The following SPOCK1 variants were observed in gnomAD, a reference collection of about 807,000 sequenced individuals.
SPOCK1 encodes the protein SPARC (osteonectin), cwcv and kazal like domains proteoglycan 1.
SPOCK1 carries 23 observed loss-of-function variants against 55.3 expected under a neutral mutation model. The ratio of observed to expected loss-of-function variants is 0.42; its 90% CI spans 0.30 to 0.59. The LOEUF (loss-of-function observed/expected upper bound fraction) is 0.59, where lower values mean the gene tolerates loss of function less well. Ranked by LOEUF, SPOCK1 falls within the 20% of genes least tolerant of loss-of-function variation. The pLI, the probability that SPOCK1 is intolerant of heterozygous loss-of-function variation, is 0.22. For missense variants in SPOCK1, 499 were observed against 552.5 expected, an observed-to-expected ratio of 0.90 and a Z score of 0.97; for synonymous variants, 226 against 221.0, an observed-to-expected ratio of 1.02 and a Z score of -0.20.
At chr5:137,174,742 A>G (rs1754822343) in intron 3 of SPOCK1, among the ~76,000 whole-genome samples, 1 of 152,238 alleles carries the variant, frequency 6.6e-6, no homozygotes, top group Admixed American at 6.5e-5. Flanking sequence ...ACAGGTTGGT[A>G]TTGATCAGGG....
At chr5:137,083,800 T>C (rs1345333946) in intron 5 of SPOCK1, among the ~76,000 whole-genome samples, 1 of 151,972 alleles carries the variant, frequency 6.6e-6, no homozygotes, top group Non-Finnish European at 1.5e-5. Context: ...TCCTAAAGCC[T>C]TGAGCTTGGG....
chr5:137,132,205 A>C, intron 4 of SPOCK1, among the ~76,000 whole-genome samples: 1 of 147,222 alleles, frequency 6.8e-6, no homozygotes, highest in Non-Finnish European at 1.5e-5. Context: ...AATCTCCAGA[A>C]CTTGCTAGGA....
chr5:137,405,801 G>A (rs1238740471), intron 2 of SPOCK1, among the ~76,000 whole-genome samples: 2 of 152,142 alleles, frequency 1.3e-5, no homozygotes, highest in Admixed American at 1.3e-4. Context: ...AGTAAGCAAG[G>A]GACCTCAGAG....
chr5:137,269,732 A>G (rs2060426), intron 2 of SPOCK1, among the ~76,000 whole-genome samples: 103,221 of 151,856 alleles, frequency 0.68, 35,617 homozygotes, highest in African/African-American at 0.77. Flanking sequence ...AGACAAAAGA[A>G]AAAAGAATGG....
intron 2 of SPOCK1, among the ~76,000 whole-genome samples, chr5:137,296,386 G>A (rs1404239304): frequency 6.6e-6 from 1 of 152,172 alleles, no homozygotes; most frequent in Non-Finnish European, 1.5e-5. Context: ...TGCATTAAAG[G>A]ACGTCATTTC....
chr5:136,982,701 C>T (rs1750754811), intron 9 of SPOCK1, among the ~76,000 whole-genome samples: 1 of 152,014 alleles, frequency 6.6e-6, no homozygotes, highest in African/African-American at 2.4e-5. Context: ...TCCAGGTTGC[C>T]ATATAACTAT....
intron 2 of SPOCK1, among the ~76,000 whole-genome samples, chr5:137,387,738 C>T (rs1751625291): frequency 6.6e-6 from 1 of 152,130 alleles, no homozygotes; most frequent in African/African-American, 2.4e-5. Context: ...GGTTCATCAA[C>T]TGTAACGAAT....
chr5:137,434,517 G>GAGTCT (rs1259111646), intron 2 of SPOCK1, among the ~76,000 whole-genome samples: 2 of 97,180 alleles, frequency 2.1e-5, no homozygotes, highest in Non-Finnish European at 3.9e-5. Context: ...TTTTGAGATG[G>GAGTCT]AGTCTCGCTC....
intron 2 of SPOCK1, among the ~76,000 whole-genome samples, chr5:137,385,700 C>T (rs934627500): frequency 1.3e-5 from 2 of 152,210 alleles, no homozygotes; most frequent in Admixed American, 6.5e-5. Context: ...TTACCTCCTC[C>T]ACATCTCCTA....
At chr5:137,142,450 A>T (rs532953554) in intron 3 of SPOCK1, among the ~76,000 whole-genome samples, 1 of 152,280 alleles carries the variant, frequency 6.6e-6, no homozygotes, top group Non-Finnish European at 1.5e-5. Context: ...CCACTGCCGC[A>T]GCTTCAGCAG....
chr5:137,458,296 T>C (rs898710678), intron 2 of SPOCK1, among the ~76,000 whole-genome samples: 1 of 152,200 alleles, frequency 6.6e-6, no homozygotes, highest in Non-Finnish European at 1.5e-5. Flanking sequence ...TCAGGTTCTC[T>C]TGACCAGCTA....
At chr5:137,029,081 T>A (rs1014665965) in intron 6 of SPOCK1, among the ~76,000 whole-genome samples, 8 of 152,180 alleles carry the variant, frequency 5.3e-5, no homozygotes, top group African/African-American at 1.9e-4. Flanking sequence ...CGAATTATAA[T>A]CTGGCTCTCA....
At chr5:137,006,627 G>C (rs1751254542) in intron 6 of SPOCK1, among the ~76,000 whole-genome samples, 1 of 152,110 alleles carries the variant, frequency 6.6e-6, no homozygotes, top group Non-Finnish European at 1.5e-5. Flanking sequence ...TAAATATGCA[G>C]TCATGTCATC....
intron 5 of SPOCK1, among the ~76,000 whole-genome samples, chr5:137,080,486 T>C (rs1345253050): frequency 6.6e-6 from 1 of 152,184 alleles, no homozygotes; most frequent in Admixed American, 6.5e-5. Flanking sequence ...AGGAATTCTC[T>C]GAGAACTGTA....
intron 3 of SPOCK1, among the ~76,000 whole-genome samples, chr5:137,259,205 C>T (rs1756698461): frequency 6.6e-6 from 1 of 152,158 alleles, no homozygotes; most frequent in South Asian, 2.1e-4. Context: ...TTTACTGCGA[C>T]ACTGTTCACA....
At chr5:137,378,443 G>A (rs1399354018) in intron 2 of SPOCK1, among the ~76,000 whole-genome samples, 1 of 152,244 alleles carries the variant, frequency 6.6e-6, no homozygotes, top group Non-Finnish European at 1.5e-5. Context: ...CATGCCAGTT[G>A]ATATTGAAAA....
intron 2 of SPOCK1, among the ~76,000 whole-genome samples, chr5:137,373,725 C>T (rs1751251477): frequency 6.6e-6 from 1 of 152,224 alleles, no homozygotes; most frequent in Admixed American, 6.5e-5. Flanking sequence ...CCCTCTCTCT[C>T]ATCCCATCCT....
intron 3 of SPOCK1, among the ~76,000 whole-genome samples, chr5:137,208,409 A>C (rs1755555058): frequency 6.6e-6 from 1 of 152,216 alleles, no homozygotes; most frequent in Non-Finnish European, 1.5e-5. Context: ...TGGGAGAAAG[A>C]CTGAATTCTG....
At chr5:137,099,022 A>G (rs976928858) in intron 5 of SPOCK1, among the ~76,000 whole-genome samples, 10 of 152,254 alleles carry the variant, frequency 6.6e-5, no homozygotes, top group African/African-American at 1.9e-4. Context: ...AAAATCCAGG[A>G]CATGCTTCAA....
Sources: gnomAD v4.1 joint callset for allele counts (sites outside exome capture counted in the v4.1 genomes callset) on GRCh38, gnomAD v4.1.1 for gene constraint, MANE v1.5 for transcripts, NCBI Gene and HGNC (gene_info 2026-07-23, HGNC 2026-07-21) for gene names.